Variants in NCKAP1 observed in about 807,000 individuals in gnomAD.
The protein encoded by NCKAP1 is NCK associated protein 1, also known as nck-associated protein 1.
A neutral mutation model predicts 151.2 loss-of-function variants in NCKAP1; 21 were observed. The observed-to-expected ratio is 0.14, with a 90% CI of 0.10 to 0.20. NCKAP1 has a LOEUF of 0.20. Among genes scored for constraint, NCKAP1 ranks in the 10% least tolerant of loss-of-function variants. NCKAP1 has a pLI of 1.00. For missense variants in NCKAP1, 933 were observed against 1,352.1 expected (o/e 0.69, Z 4.86); for synonymous variants, 484 against 451.8 (o/e 1.07, Z -0.90).
At chr2:183,024,851 T>A in intron 1 of NCKAP1, 1 of 1,031,786 alleles carries the variant, frequency 9.7e-7, no homozygotes, top group Admixed American at 2.3e-5. Context: ...AATACACTAC[T>A]GCAATTTTAT....
rs879318735 is a variant in NCKAP1 at position 183,038,417 on chromosome 2, TGGCGGC to T, written c.-324_-319del. On this transcript the variant is annotated 5_prime_UTR_variant, in exon 1 of 31. Transcript: ENST00000361354. ...CCTTCCCCGGCTGCTCCACTAGGTG[TGGCGGC>T]GGCGGCGGCGGCGGCGGCGTCTCCG... 2.9e-5 allele frequency: 6 copies of T among 206,314 alleles called. No homozygotes were observed. The highest frequency in any genetic ancestry group is 1.2e-4 in the Admixed American group (2 of 16,404). 12.8% of individuals were successfully genotyped at this position (206,314 alleles called of 1,614,324 possible).
chr2:183,035,507 T>C (rs1699085104), intron 1 of NCKAP1, among the ~76,000 whole-genome samples: 1 of 152,024 alleles, frequency 6.6e-6, no homozygotes, highest in South Asian at 2.1e-4. Context: ...TTGGCAAACA[T>C]GTATTATGAG....
chr2:182,965,318 A>AT (rs1394544921), intron 16 of NCKAP1, among the ~76,000 whole-genome samples: 2 of 148,028 alleles, frequency 1.4e-5, no homozygotes, highest in African/African-American at 2.7e-5. Context: ...CACGCCATCA[A>AT]TTTTATTTTT....
intron 28 of NCKAP1, 27 bp downstream of exon 28, chr2:182,928,756 G>A (rs377459646): frequency 9.7e-6 from 14 of 1,444,912 alleles, no homozygotes; most frequent in East Asian, 2.4e-5. Flanking sequence ...TTTATTCATC[G>A]CCAAAACAAT....
intron 2 of NCKAP1, among the ~76,000 whole-genome samples, chr2:183,021,354 CT>C (rs1386066310): frequency 2.0e-5 from 3 of 152,126 alleles, no homozygotes; most frequent in Non-Finnish European, 4.4e-5. Context: ...AATCTCAGCA[CT>C]TTGGGAGGTC....
At chr2:183,009,627 G>A (rs1299204727) in intron 2 of NCKAP1, among the ~76,000 whole-genome samples, 1 of 152,014 alleles carries the variant, frequency 6.6e-6, no homozygotes, top group Non-Finnish European at 1.5e-5. Context: ...TTTTATTGTG[G>A]TAAAATACGC....
chr2:182,956,509 A>G lies in NCKAP1; in HGVS notation c.2106T>C (p.Phe702=). The G allele has an allele frequency of 1.2e-6, 2 of 1,611,394 alleles. No homozygotes were observed. Among genetic ancestry groups the G allele is most frequent in the African/African-American group, 2.7e-5 (2 of 75,002 alleles). ...GAGAAGTCAAATATTCTCGTGGGGTAAAGGTATGTTCCCATACCACCATGT... is the reference window on the plus strand; with the variant it reads ...GAGAAGTCAAATATTCTCGTGGGGTGAAGGTATGTTCCCATACCACCATGT... ...VPNMVVWEHT[F]TPREYLTSHL... Residue 702 remains phenylalanine (F), a synonymous_variant, in exon 20 of 31, where the codon TTT becomes TTC. Coordinates refer to ENST00000361354, the MANE Select transcript of NCKAP1 (RefSeq NM_013436.5).
chr2:182,983,144 C>G, intron 11 of NCKAP1, 142 bp downstream of exon 11: 1 of 717,332 alleles, frequency 1.4e-6, no homozygotes, highest in Non-Finnish European at 2.3e-6. Context: ...GTATGAATGT[C>G]AAGTCAGCAA....
At chr2:182,978,586 G>A (rs1416021769) in intron 14 of NCKAP1, among the ~76,000 whole-genome samples, 1 of 152,080 alleles carries the variant, frequency 6.6e-6, no homozygotes, top group African/African-American at 2.4e-5. Context: ...GCTACAAAAT[G>A]CAAATGTTTT....
Position 182,923,965 on chromosome 2 carries a change from C to T in NCKAP1, c.*1737G>A, listed in dbSNP as rs1050876731. ...CTTTCACATATGATTCCAAAGTGTA[C>T]ATATCCAAATTCCTACTTTACCTCT... is the stretch of plus-strand genomic sequence containing the variant. On this transcript the variant is annotated 3_prime_UTR_variant, in exon 31 of 31. Coordinates refer to ENST00000361354, the MANE Select transcript of NCKAP1 (RefSeq NM_013436.5). 2 of 152,064 alleles carry T rather than the reference C, an allele frequency of 1.3e-5. No individual in the cohort carries two copies. Among genetic ancestry groups the T allele is most frequent in the African/African-American group, 4.8e-5 (2 of 41,406 alleles). 9.4% of individuals were successfully genotyped at this position (152,064 alleles called of 1,614,324 possible). A position where few individuals can be genotyped will look rare whatever the true frequency, so the allele number is the denominator to read the frequency against.
chr2:182,978,350 C>T (rs1385988778), intron 14 of NCKAP1, among the ~76,000 whole-genome samples: 1 of 152,098 alleles, frequency 6.6e-6, no homozygotes, highest in Non-Finnish European at 1.5e-5. Flanking sequence ...AGCTCAAATT[C>T]CTACTTTTGC....
chr2:182,924,953 T>C lies in NCKAP1; in HGVS notation c.*749A>G, dbSNP rs1027928206. 1 of 152,108 alleles carries C rather than the reference T, an allele frequency of 6.6e-6. No homozygotes were observed. Among genetic ancestry groups the C allele is most frequent in the Non-Finnish European group, 1.5e-5 (1 of 67,978 alleles). The allele number at this position is 152,108 out of a possible 1,614,324, so 9.4% of individuals were successfully genotyped here. A position where few individuals can be genotyped will look rare whatever the true frequency, so the allele number is the denominator to read the frequency against. On this transcript the variant is annotated 3_prime_UTR_variant, in exon 31 of 31. Coordinates refer to ENST00000361354, the MANE Select transcript of NCKAP1 (RefSeq NM_013436.5). ...ACTTGAATTTCAAAAATTTAAAACA[T>C]ATATAAAAAGTGGTTAGGGACTAAC...
rs1696460457 is a variant in NCKAP1 at position 182,915,970 on chromosome 2, G to A, written c.*9732C>T. 6.6e-6 allele frequency: 1 copy of A among 152,004 alleles called. No individual in the cohort carries two copies. Among genetic ancestry groups the A allele is most frequent in the African/African-American group, 2.4e-5 (1 of 41,374 alleles). 9.4% of individuals were successfully genotyped at this position (152,004 alleles called of 1,614,324 possible). A position where few individuals can be genotyped will look rare whatever the true frequency, so the allele number is the denominator to read the frequency against. On this transcript the variant is annotated 3_prime_UTR_variant, in exon 31 of 31. Coordinates refer to ENST00000361354, the MANE Select transcript of NCKAP1 (RefSeq NM_013436.5). ...TTTGTCTATTTATACAAGGGGCTCA[G>A]ATTCTGCATCTTCTCCCCCTGACAT...
intron 15 of NCKAP1, among the ~76,000 whole-genome samples, chr2:182,974,668 C>CA (rs920579731): frequency 1.3e-5 from 2 of 152,120 alleles, no homozygotes; most frequent in African/African-American, 4.8e-5. Flanking sequence ...TTCTCCCTTG[C>CA]AGTCCTTGAA....
Position 183,023,806 on chromosome 2 carries a change from ATTG to A in NCKAP1, c.216_218del (p.Asn73del). 1 of 1,602,274 alleles carries A rather than the reference ATTG, an allele frequency of 6.2e-7. No individual in the cohort carries two copies. The highest frequency in any genetic ancestry group is 1.1e-5 in the South Asian group (1 of 90,538). Reference sequence around the variant, plus strand: ...CAATAGAAAAATTTAGATAACTTACATTGTTGTTGCGGGTTTCTACAGCAGGGA... The same window carrying A: ...CAATAGAAAAATTTAGATAACTTACATTGTTGCGGGTTTCTACAGCAGGGA... On this transcript the variant is annotated inframe_deletion and splice_region_variant, in exon 2 of 31. Coordinates refer to ENST00000361354, the MANE Select transcript of NCKAP1 (RefSeq NM_013436.5).
chr2:182,980,934 G>T (rs1230813860), intron 13 of NCKAP1, among the ~76,000 whole-genome samples: 1 of 152,032 alleles, frequency 6.6e-6, no homozygotes, highest in East Asian at 1.9e-4. Flanking sequence ...TAGTACACCT[G>T]ATTTATGATT....
intron 15 of NCKAP1, among the ~76,000 whole-genome samples, 183 bp from the exon 16 acceptor site, chr2:182,967,544 T>C (rs1697598289): frequency 6.6e-6 from 1 of 152,216 alleles, no homozygotes; most frequent in Admixed American, 6.5e-5. Flanking sequence ...AAGAATTTAT[T>C]TAGTAAACTG....
At chr2:183,026,679 A>G (rs1472834387) in intron 1 of NCKAP1, among the ~76,000 whole-genome samples, 1 of 152,120 alleles carries the variant, frequency 6.6e-6, no homozygotes, top group Non-Finnish European at 1.5e-5. Flanking sequence ...ATGACTTACT[A>G]GCCATGGGAC....
At chr2:182,999,615 T>C (rs532358728) in intron 6 of NCKAP1, among the ~76,000 whole-genome samples, 52 of 152,242 alleles carry the variant, frequency 3.4e-4, no homozygotes, top group African/African-American at 1.2e-3. Context: ...GAACCAAAAA[T>C]AGAATTACCA....
Sources: allele counts gnomAD v4.1 joint callset (sites outside exome capture counted in the v4.1 genomes callset), GRCh38; gene constraint gnomAD v4.1.1; transcripts MANE v1.5; gene names NCBI Gene and HGNC (gene_info 2026-07-23, HGNC 2026-07-21).